Variants in ZNF93 observed in about 807,000 individuals in gnomAD.
ZNF93 encodes zinc finger protein 93.
Under a neutral mutation model 45.0 loss-of-function variants are expected in ZNF93, and 29 were observed. That is an observed-to-expected ratio of 0.64 (90% CI 0.48 to 0.88). The LOEUF (loss-of-function observed/expected upper bound fraction) is 0.88. ZNF93 is among the 40% of genes least tolerant of loss of function. The probability of loss-of-function intolerance (pLI) is 0.00; values close to 1 mark genes in which losing one functional copy is unlikely to be tolerated. For missense variants in ZNF93, 578 were observed against 724.0 expected (o/e 0.80, Z 2.31); for synonymous variants, 223 against 244.6 (o/e 0.91, Z 0.82).
At chr19:19,915,071 T>C (rs1235243189) in intron 1 of ZNF93, among the ~76,000 whole-genome samples, 5 of 152,256 alleles carry the variant, frequency 3.3e-5, no homozygotes, top group African/African-American at 1.2e-4. Context: ...AAATATCATA[T>C]ATGAACTGAT....
At chr19:19,906,743 T>C (rs1421949356) in intron 1 of ZNF93, among the ~76,000 whole-genome samples, 9 of 152,074 alleles carry the variant, frequency 5.9e-5, no homozygotes, top group Non-Finnish European at 1.3e-4. Context: ...GTCTTCTATA[T>C]AGTGCTAGGT....
chr19:19,901,102 C>T lies in ZNF93; in HGVS notation c.3+11C>T, dbSNP rs1233983457. 7 of 1,613,070 alleles carry T rather than the reference C, an allele frequency of 4.3e-6. No homozygotes were observed. The highest frequency in any genetic ancestry group is 1.3e-5 in the African/African-American group (1 of 74,876). ...GGAAGCCTAGAAATGGTGAGAGTGC[C>T]GGTCCGACATCCCAAGCGACGGGGA... On this transcript the variant is annotated intron_variant, in intron 1 of 3. Transcript: ENST00000343769.
chr19:19,923,103 T>C (rs908399289), intron 3 of ZNF93, among the ~76,000 whole-genome samples: 2 of 152,208 alleles, frequency 1.3e-5, no homozygotes, highest in African/African-American at 4.8e-5. Flanking sequence ...GACATACAGA[T>C]GGGGTTTTGG....
chr19:19,917,117 A>G (rs765683475), intron 3 of ZNF93, among the ~76,000 whole-genome samples: 2 of 151,972 alleles, frequency 1.3e-5, no homozygotes. Flanking sequence ...ATTACTACAT[A>G]GTTTTTAAGT....
rs1329258482 is a variant in ZNF93 at position 19,933,702 on chromosome 19, CA to C, written c.748del (p.Ile250PhefsTer135). ...ASSTLSKHEI[I>X]HTGKKPYKCE... ...CCTCAACCCTTAGTAAACATGAGATCATTCATACTGGAAAGAAACCCTACAA... is the reference window on the plus strand; with the variant it reads ...CCTCAACCCTTAGTAAACATGAGATCTTCATACTGGAAAGAAACCCTACAA... On this transcript the variant is annotated frameshift_variant, in exon 4 of 4. Coordinates refer to ENST00000343769, the MANE Select transcript of ZNF93 (RefSeq NM_031218.4). LOFTEE classifies it high-confidence loss of function. The C allele has an allele frequency of 1.9e-6, 3 of 1,611,130 alleles. 1 individual carries two copies. The South Asian group carries it at 3.3e-5, about 18-fold the overall frequency.
At chr19:19,929,137 G>A (rs748825680) in intron 3 of ZNF93, among the ~76,000 whole-genome samples, 51 of 152,228 alleles carry the variant, frequency 3.4e-4, no homozygotes, top group Admixed American at 9.8e-4. Context: ...TTAAAAGAAC[G>A]TGGCTTCTTC....
intron 3 of ZNF93, among the ~76,000 whole-genome samples, chr19:19,921,306 G>A (rs1374916470): frequency 6.6e-6 from 1 of 151,356 alleles, no homozygotes; most frequent in Non-Finnish European, 1.5e-5. Flanking sequence ...GGTCTGAGAG[G>A]CAGTTTGTTA....
chr19:19,934,731 A>G lies in ZNF93; in HGVS notation c.1776A>G (p.Pro592=), dbSNP rs1446257086. 4 of 1,612,598 alleles carry G rather than the reference A, an allele frequency of 2.5e-6. No homozygotes were observed. The highest frequency in any genetic ancestry group is 1.3e-5 in the African/African-American group (1 of 74,872). ...SHKKIHSGEK[P]YECDKCGKAF... ...AGAAAATCCATTCTGGAGAGAAACC[A>G]TACGAGTGTGATAAATGTGGCAAAG... Residue 592 remains proline, a synonymous_variant, in exon 4 of 4, where the codon CCA becomes CCG. Transcript: ENST00000343769.
At chr19:19,931,811 A>G (rs1386696186) in intron 3 of ZNF93, among the ~76,000 whole-genome samples, 5 of 151,918 alleles carry the variant, frequency 3.3e-5, no homozygotes, top group African/African-American at 1.2e-4. Flanking sequence ...GCATGCTTTG[A>G]TTATATTTTA....
At chr19:19,931,830 T>G (rs2063375269) in intron 3 of ZNF93, among the ~76,000 whole-genome samples, 1 of 152,210 alleles carries the variant, frequency 6.6e-6, no homozygotes. Context: ...TATTTTCTTT[T>G]GCATACTTTG....
intron 3 of ZNF93, among the ~76,000 whole-genome samples, chr19:19,928,664 A>G (rs1480961821): frequency 6.6e-6 from 1 of 152,140 alleles, no homozygotes; most frequent in East Asian, 1.9e-4. Context: ...AGTAGGTAGG[A>G]CTGTAGACAT....
At chr19:19,905,023 C>G (rs1568505972) in intron 1 of ZNF93, among the ~76,000 whole-genome samples, 1 of 152,188 alleles carries the variant, frequency 6.6e-6, no homozygotes, top group Admixed American at 6.5e-5. Context: ...TCCCCACCCC[C>G]AGACACTGAA....
At chr19:19,920,921 T>G (rs1293873541) in intron 3 of ZNF93, among the ~76,000 whole-genome samples, 2 of 152,092 alleles carry the variant, frequency 1.3e-5, no homozygotes, top group African/African-American at 4.8e-5. Flanking sequence ...TTTTGAAGAG[T>G]TTTTTGTGTC....
chr19:19,915,115 A>G (rs1410016974), intron 1 of ZNF93, among the ~76,000 whole-genome samples, 165 bp from the exon 2 acceptor site: 1 of 152,166 alleles, frequency 6.6e-6, no homozygotes, highest in African/African-American at 2.4e-5. Context: ...TTTTTCTCAG[A>G]TAATACATTA....
chr19:19,908,733 C>T (rs1464926534), intron 1 of ZNF93, among the ~76,000 whole-genome samples: 4 of 150,742 alleles, frequency 2.7e-5, no homozygotes, highest in African/African-American at 9.8e-5. Context: ...ATCCCAGCTA[C>T]TCCAGAGGCT....
Position 19,933,742 on chromosome 19 carries a change from G to C in ZNF93, c.787G>C (p.Gly263Arg). The C allele has an allele frequency of 5.0e-6, 8 of 1,613,012 alleles. No individual in the cohort carries two copies. Among genetic ancestry groups the C allele is most frequent in the Non-Finnish European group, 6.8e-6 (8 of 1,179,448 alleles). ...GAAACCCTACAAGTGTGAAGAATGT[G>C]GCAAAGCTTTTAACCAATCCTCGAC... ...GKKPYKCEEC[G>R]KAFNQSSTLT... The change falls in exon 4 of 4, where the codon GGC (glycine) becomes CGC (arginine). Residue 263 changes from glycine to arginine, a missense_variant. Gly to Arg is a moderately radical substitution (Grantham distance 125). Around this residue, in one of 3 missense-constraint regions of ZNF93, gnomAD observed 446 missense variants for 547.6 expected, o/e 0.81. Transcript: ENST00000343769.
At position 19,933,253 on chromosome 19, in the gene ZNF93, C is replaced by T; in HGVS notation, c.298C>T (p.Leu100=). Residue 100 remains leucine (L), a synonymous_variant, in exon 4 of 4, where the codon CTG becomes TTG. Coordinates refer to ENST00000343769, the MANE Select transcript of ZNF93 (RefSeq NM_031218.4). ...NIKDSFQKVI[L]RRYEKRGHGN... The stretch of plus-strand genomic sequence containing the variant: ...AAAAGATTCTTTCCAAAAAGTGATA[C>T]TGAGAAGATATGAAAAACGTGGACA... 5.6e-6 allele frequency: 9 copies of T among 1,610,040 alleles called. No homozygotes were observed. The highest frequency in any genetic ancestry group is 4.2e-6 in the Non-Finnish European group (5 of 1,177,932).
intron 1 of ZNF93, among the ~76,000 whole-genome samples, chr19:19,906,241 G>A (rs889192130): frequency 1.3e-5 from 2 of 152,002 alleles, no homozygotes; most frequent in African/African-American, 2.4e-5. Flanking sequence ...ACTGGTGTGC[G>A]GTGGTATCTC....
chr19:19,903,334 C>G (rs1416197046), intron 1 of ZNF93, among the ~76,000 whole-genome samples: 1 of 152,106 alleles, frequency 6.6e-6, no homozygotes, highest in East Asian at 1.9e-4. Context: ...TCAGCATGTT[C>G]TTAGGAGGGA....
Sources: gnomAD v4.1 joint callset for allele counts (sites outside exome capture counted in the v4.1 genomes callset) on GRCh38, gnomAD v4.1.1 for gene constraint, gnomAD v4.1.1 regional missense constraint, MANE v1.5 for transcripts, NCBI Gene and HGNC (gene_info 2026-07-23, HGNC 2026-07-21) for gene names.